Variants in ESR2 observed in about 807,000 individuals in gnomAD.
ESR2 encodes estrogen receptor 2.
In ESR2, 36 loss-of-function variants were observed where a neutral mutation model predicts 49.6. The observed-to-expected ratio is 0.73, with a 90% CI of 0.56 to 0.96. ESR2 has a LOEUF of 0.96. Among genes scored for constraint, ESR2 ranks in the 40% least tolerant of loss-of-function variants. The probability of loss-of-function intolerance (pLI) is 0.00; values close to 1 mark genes in which losing one functional copy is unlikely to be tolerated. For synonymous variants in ESR2, 320 were observed against 266.1 expected (o/e 1.20, Z -1.97); for missense variants, 714 against 693.0 (o/e 1.03, Z -0.34).
At chr14:64,329,207 C>T (rs1021492570) in intron 1 of ESR2, among the ~76,000 whole-genome samples, 1 of 151,988 alleles carries the variant, frequency 6.6e-6, no homozygotes, top group African/African-American at 2.4e-5. Flanking sequence ...GGGGTAAGTA[C>T]AAGGATCTTT....
intron 1 of ESR2, among the ~76,000 whole-genome samples, chr14:64,312,798 A>T (rs1025918898): frequency 6.6e-6 from 1 of 152,104 alleles, no homozygotes; most frequent in Non-Finnish European, 1.5e-5. Flanking sequence ...AATTCCAGCT[A>T]CTTGGGAGGC....
At chr14:64,251,590 G>A (rs947738378) in intron 6 of ESR2, among the ~76,000 whole-genome samples, 10 of 152,276 alleles carry the variant, frequency 6.6e-5, no homozygotes, top group African/African-American at 2.4e-4. Flanking sequence ...TTCCAAAAAT[G>A]GGAGGAGGGT....
chr14:64,248,127 G>A lies in ESR2; in HGVS notation c.1225+1419C>T, dbSNP rs773607869. Among the ~76,000 whole-genome samples, 21 of 152,000 alleles carry A rather than the reference G, an allele frequency of 1.4e-4. 1 individual carries two copies. The highest frequency in any genetic ancestry group is 2.1e-4 in the South Asian group (1 of 4,816). ...GAGAATCACTTGAGCCCAGGAGGTC[G>A]GAACTGCAGTAAACCATGATCGTGC... On this transcript the variant is annotated intron_variant, in intron 7 of 8. Transcript: ENST00000341099.
intron 1 of ESR2, among the ~76,000 whole-genome samples, chr14:64,333,675 T>G (rs1419372723): frequency 2.6e-5 from 4 of 152,102 alleles, no homozygotes; most frequent in Non-Finnish European, 1.5e-5. Flanking sequence ...GGGAAATCCC[T>G]AATAAAACCA....
chr14:64,300,924 G>A (rs1456720340), intron 1 of ESR2, among the ~76,000 whole-genome samples: 1 of 152,122 alleles, frequency 6.6e-6, no homozygotes, highest in Non-Finnish European at 1.5e-5. Context: ...GAGGGTGTTT[G>A]CTCACAGATG....
intron 1 of ESR2, among the ~76,000 whole-genome samples, chr14:64,303,001 T>C (rs1260383667): frequency 2.0e-5 from 3 of 152,178 alleles, no homozygotes; most frequent in African/African-American, 7.2e-5. Context: ...GGTTTCACTA[T>C]GTTGGCCAGG....
At chr14:64,316,949 G>A (rs565751554) in intron 1 of ESR2, among the ~76,000 whole-genome samples, 2 of 152,176 alleles carry the variant, frequency 1.3e-5, no homozygotes, top group African/African-American at 4.8e-5. Context: ...GGTTGTATTT[G>A]GCCATTCTTT....
chr14:64,333,690 A>G (rs904427666), intron 1 of ESR2, among the ~76,000 whole-genome samples: 1 of 152,168 alleles, frequency 6.6e-6, no homozygotes, highest in Non-Finnish European at 1.5e-5. Flanking sequence ...AAACCATCCC[A>G]TGAGACTTAT....
intron 1 of ESR2, among the ~76,000 whole-genome samples, chr14:64,290,322 C>G (rs761250340): frequency 6.6e-6 from 1 of 152,134 alleles, no homozygotes; most frequent in Non-Finnish European, 1.5e-5. Flanking sequence ...CCTCCCACCT[C>G]GGCCTCCCAA....
chr14:64,235,222 G>C, intron 7 of ESR2, 72 bp from the exon 8 acceptor site: 1 of 1,513,132 alleles, frequency 6.6e-7, no homozygotes, highest in Non-Finnish European at 9.0e-7. Flanking sequence ...CAGCTGTTCC[G>C]TGCGCCTGCT....
intron 1 of ESR2, among the ~76,000 whole-genome samples, chr14:64,287,772 A>G (rs1223242756): frequency 6.6e-6 from 1 of 152,150 alleles, no homozygotes; most frequent in East Asian, 1.9e-4. Context: ...CTCCTCTAAA[A>G]CAGAGATATA....
Position 64,230,737 on chromosome 14 carries a change from A to G in ESR2, c.*2400T>C, listed in dbSNP as rs1289253851. Among the ~76,000 whole-genome samples, 1 of 151,844 alleles carries G rather than the reference A, an allele frequency of 6.6e-6. No homozygotes were observed. Among genetic ancestry groups the G allele is most frequent in the Non-Finnish European group, 1.5e-5 (1 of 67,958 alleles). On this transcript the variant is annotated 3_prime_UTR_variant, in exon 9 of 9. Coordinates refer to ENST00000341099, the MANE Select transcript of ESR2 (RefSeq NM_001437.3). Reference sequence around the variant, plus strand: ...GAGCGAGATTCGGTGAGAATAGCTCAGCTGGAAACTCACTGTGCGGCGCTC... The same window carrying G: ...GAGCGAGATTCGGTGAGAATAGCTCGGCTGGAAACTCACTGTGCGGCGCTC...
intron 7 of ESR2, among the ~76,000 whole-genome samples, chr14:64,243,558 G>A (rs976493645): frequency 2.6e-5 from 4 of 152,186 alleles, no homozygotes; most frequent in African/African-American, 4.8e-5. Context: ...TTTGTGCTGG[G>A]ATGCAGTTAA....
chr14:64,286,028 GGT>G (rs988401384), intron 1 of ESR2, among the ~76,000 whole-genome samples: 1 of 152,068 alleles, frequency 6.6e-6, no homozygotes, highest in African/African-American at 2.4e-5. Flanking sequence ...CAGTAGGCAT[GGT>G]AGTATGCTGA....
chr14:64,259,971 T>C (rs1174378279), intron 5 of ESR2, among the ~76,000 whole-genome samples: 1 of 152,106 alleles, frequency 6.6e-6, no homozygotes, highest in Non-Finnish European at 1.5e-5. Flanking sequence ...TCCAGGACTC[T>C]AGGATTCTTG....
intron 7 of ESR2, among the ~76,000 whole-genome samples, chr14:64,236,564 C>T (rs1480753424): frequency 6.6e-6 from 1 of 152,106 alleles, no homozygotes; most frequent in Non-Finnish European, 1.5e-5. Flanking sequence ...GGGCCCTCCC[C>T]GCTTCTCTCA....
chr14:64,267,236 T>C (rs2076350883), intron 4 of ESR2, among the ~76,000 whole-genome samples: 1 of 152,226 alleles, frequency 6.6e-6, no homozygotes, highest in Non-Finnish European at 1.5e-5. Context: ...ATAATATGTT[T>C]GAGTAAATTT....
chr14:64,302,570 G>A (rs1401670908), intron 1 of ESR2, among the ~76,000 whole-genome samples: 1 of 152,070 alleles, frequency 6.6e-6, no homozygotes, highest in Non-Finnish European at 1.5e-5. Context: ...GGCAGGTCCT[G>A]GGAATGTTTA....
Position 64,232,960 on chromosome 14 carries a change from TTCCTCACACCGAC to T in ESR2, c.*164_*176del. ...CTCTGCTAACAAGGGAAACTATGGC[TTCCTCACACCGAC>T]TCCTGAGAGTTGGGAAGGTGGAGGG... On this transcript the variant is annotated 3_prime_UTR_variant, in exon 9 of 9. Transcript: ENST00000341099. 7.5e-7 allele frequency: 1 copy of T among 1,334,302 alleles called. No individual in the cohort carries two copies. The highest frequency in any genetic ancestry group is 2.9e-5 in the Admixed American group (1 of 34,254). 82.7% of individuals were successfully genotyped at this position (1,334,302 alleles called of 1,614,324 possible). A position where few individuals can be genotyped will look rare whatever the true frequency, so the allele number is the denominator to read the frequency against.
Sources: gnomAD v4.1 joint callset for allele counts (sites outside exome capture counted in the v4.1 genomes callset) on GRCh38, gnomAD v4.1.1 for gene constraint, MANE v1.5 for transcripts, NCBI Gene and HGNC (gene_info 2026-07-23, HGNC 2026-07-21) for gene names.